The following STARD13 variants were observed in gnomAD, a reference collection of about 807,000 sequenced individuals.
STARD13 encodes stAR-related lipid transfer protein 13.
STARD13 carries 62 observed loss-of-function variants against 106.4 expected under a neutral mutation model. That is an observed-to-expected ratio of 0.58 (90% CI 0.48 to 0.72). The LOEUF is 0.72. STARD13 is among the 30% of genes least tolerant of loss of function. STARD13 has a pLI of 0.00. For synonymous variants in STARD13, 565 were observed against 553.0 expected (o/e 1.02, Z -0.31); for missense variants, 1,387 against 1,424.0 (o/e 0.97, Z 0.42).
At chr13:33,505,008 C>A in the STARD13 span, among the ~76,000 whole-genome samples, 1 of 152,168 alleles carries the variant, frequency 6.6e-6, no homozygotes, top group East Asian at 1.9e-4. Context: ...CAACTCATAG[C>A]AGCTTGGGTG....
At chr13:33,534,593 G>C in the STARD13 span, among the ~76,000 whole-genome samples, 184 of 152,208 alleles carry the variant, frequency 1.2e-3, 1 homozygote, top group Middle Eastern at 3.4e-3. Flanking sequence ...TGTTAAGCAG[G>C]AGAAAAGGAA....
At chr13:33,142,066 T>A (rs983372256) in intron 4 of STARD13, among the ~76,000 whole-genome samples, 1 of 152,212 alleles carries the variant, frequency 6.6e-6, no homozygotes, top group Non-Finnish European at 1.5e-5. Context: ...TGTCACTGTG[T>A]CACCCAGGTT....
chr13:33,188,451 A>G (rs1453278148), intron 1 of STARD13, among the ~76,000 whole-genome samples: 2 of 152,152 alleles, frequency 1.3e-5, no homozygotes, highest in Non-Finnish European at 2.9e-5. Flanking sequence ...TAATTCTGAG[A>G]AAAATTTCTG....
the STARD13 span, among the ~76,000 whole-genome samples, chr13:33,667,431 C>T: frequency 6.6e-6 from 1 of 152,320 alleles, no homozygotes; most frequent in South Asian, 2.1e-4. Context: ...TCTCTCAGAA[C>T]TCATGTACTC....
chr13:33,392,032 A>G, the STARD13 span, among the ~76,000 whole-genome samples: 6 of 152,104 alleles, frequency 3.9e-5, no homozygotes, highest in African/African-American at 1.5e-4. Context: ...TCTTCCCTCA[A>G]CTTCTTCGTT....
At chr13:33,318,533 T>C (rs775836704) in intron 1 of STARD13, among the ~76,000 whole-genome samples, 2 of 152,068 alleles carry the variant, frequency 1.3e-5, no homozygotes, top group Admixed American at 1.3e-4. Context: ...AGAAATGACA[T>C]GTAAAGCAAT....
chr13:33,569,874 C>A, the STARD13 span, among the ~76,000 whole-genome samples: 1 of 147,076 alleles, frequency 6.8e-6, no homozygotes, highest in South Asian at 2.2e-4. Context: ...TACTAACCAG[C>A]AAAGGCATGA....
the STARD13 span, among the ~76,000 whole-genome samples, chr13:33,430,139 G>A: frequency 6.6e-6 from 1 of 152,140 alleles, no homozygotes; most frequent in Non-Finnish European, 1.5e-5. Flanking sequence ...GGATGGTCTC[G>A]ATCTCCTGAC....
chr13:33,203,327 T>C (rs750611400), intron 1 of STARD13, among the ~76,000 whole-genome samples: 1 of 152,238 alleles, frequency 6.6e-6, no homozygotes, highest in South Asian at 2.1e-4. Flanking sequence ...GAAAACACAG[T>C]AATCACTCCT....
chr13:33,471,795 T>G, the STARD13 span, among the ~76,000 whole-genome samples: 1 of 152,196 alleles, frequency 6.6e-6, no homozygotes, highest in Non-Finnish European at 1.5e-5. Context: ...CACAAATATT[T>G]GCAGCATTAA....
At chr13:33,221,360 A>G (rs1888345021) in intron 1 of STARD13, among the ~76,000 whole-genome samples, 1 of 152,196 alleles carries the variant, frequency 6.6e-6, no homozygotes, top group African/African-American at 2.4e-5. Flanking sequence ...TTCACTTAGT[A>G]TAATGTCCTC....
chr13:33,579,976 T>C, the STARD13 span, among the ~76,000 whole-genome samples: 1 of 152,114 alleles, frequency 6.6e-6, no homozygotes, highest in African/African-American at 2.4e-5. Context: ...CGCAAAATGG[T>C]ATAGCTGCTT....
the STARD13 span, among the ~76,000 whole-genome samples, chr13:33,603,786 G>C: frequency 3.9e-5 from 6 of 152,110 alleles, no homozygotes; most frequent in Admixed American, 2.6e-4. Context: ...CACAGAAGTT[G>C]TTTTAGCCTC....
At chr13:33,355,576 A>G (rs909549535), upstream of STARD13, 1 of 151,344 alleles carries the variant, frequency 6.6e-6, no homozygotes, top group African/African-American at 2.4e-5. Flanking sequence ...AGCTCTCGCA[A>G]CTCTCTCCCT....
chr13:33,551,241 A>G, the STARD13 span, among the ~76,000 whole-genome samples: 46 of 152,194 alleles, frequency 3.0e-4, no homozygotes, highest in Non-Finnish European at 2.9e-5. Flanking sequence ...CATGTGTGGA[A>G]AAGATACTTC....
chr13:33,478,123 C>G, the STARD13 span, among the ~76,000 whole-genome samples: 2 of 152,178 alleles, frequency 1.3e-5, no homozygotes, highest in African/African-American at 4.8e-5. Flanking sequence ...CCTTTTTCCA[C>G]TATGTAAACT....
At chr13:33,185,997 T>C (rs774631846) in intron 1 of STARD13, 2 of 1,614,160 alleles carry the variant, frequency 1.2e-6, no homozygotes, top group Non-Finnish European at 1.7e-6. Context: ...AACGTTTGCA[T>C]GGAGAACTGA....
At position 33,113,036 on chromosome 13, in the gene STARD13, G is replaced by A. The variant is rs1255075660; in HGVS notation, c.2282-105C>T. 16 of 798,558 alleles carry A rather than the reference G, an allele frequency of 2.0e-5. No homozygotes were observed. In the South Asian group the frequency reaches 2.9e-4, roughly 14 times the overall value. The allele number at this position is 798,558 out of a possible 1,614,324, so 49.5% of individuals were successfully genotyped here. On this transcript the variant is annotated intron_variant, in intron 8 of 13. Coordinates refer to ENST00000336934, the MANE Select transcript of STARD13 (RefSeq NM_178006.4). ...TTCCTCGTGTGAACACGCACCCAGAGTCATCATCAACAAAAACAACCAGAA... is the reference window on the plus strand; with the variant it reads ...TTCCTCGTGTGAACACGCACCCAGAATCATCATCAACAAAAACAACCAGAA...
At chr13:33,231,345 G>A (rs1888910444) in intron 1 of STARD13, among the ~76,000 whole-genome samples, 2 of 152,188 alleles carry the variant, frequency 1.3e-5, no homozygotes, top group Non-Finnish European at 2.9e-5. Flanking sequence ...CCAGGGAGAC[G>A]AGGCTCAGGC....
Sources: gnomAD v4.1 joint callset for allele counts (sites outside exome capture counted in the v4.1 genomes callset) on GRCh38, gnomAD v4.1.1 for gene constraint, MANE v1.5 for transcripts, NCBI Gene and HGNC (gene_info 2026-07-23, HGNC 2026-07-21) for gene names.